Variants in SUGCT observed in about 807,000 individuals in gnomAD.
SUGCT encodes the protein succinyl-CoA:glutarate-CoA transferase, also known as succinyl-CoA:glutarate CoA-transferase.
Under a neutral mutation model 55.0 loss-of-function variants are expected in SUGCT, and 41 were observed. The ratio of observed to expected loss-of-function variants is 0.74; its 90% confidence interval spans 0.58 to 0.97. The LOEUF is 0.97. Ranked by LOEUF, SUGCT falls within the 50% of genes least tolerant of loss-of-function variation. The pLI is 0.00. For synonymous variants in SUGCT, 187 were observed against 200.4 expected, an observed-to-expected ratio of 0.93 and a Z score of 0.56; for missense variants, 568 against 547.8, an observed-to-expected ratio of 1.04 and a Z score of -0.37.
chr7:40,631,165 T>C (rs1403881601), intron 12 of SUGCT, among the ~76,000 whole-genome samples: 2 of 152,336 alleles, frequency 1.3e-5, no homozygotes, highest in Middle Eastern at 3.4e-3. Flanking sequence ...GTATTTGTTT[T>C]CATGAGCACT....
chr7:40,908,916 A>T, the SUGCT span, among the ~76,000 whole-genome samples: 4 of 152,184 alleles, frequency 2.6e-5, no homozygotes, highest in South Asian at 2.1e-4. Context: ...GTATATTTAA[A>T]TTTTTTTAAA....
At chr7:40,345,226 G>A (rs1797248381) in intron 9 of SUGCT, among the ~76,000 whole-genome samples, 1 of 151,852 alleles carries the variant, frequency 6.6e-6, no homozygotes, top group Admixed American at 6.6e-5. Flanking sequence ...CCAGTCAGAG[G>A]GTTTGAGTGT....
At chr7:40,950,828 GC>G in the SUGCT span, among the ~76,000 whole-genome samples, 2 of 152,164 alleles carry the variant, frequency 1.3e-5, no homozygotes, top group Non-Finnish European at 2.9e-5. Context: ...TGGTGGATAA[GC>G]TTTTTGATGT....
intron 13 of SUGCT, among the ~76,000 whole-genome samples, chr7:40,767,760 A>G (rs926763321): frequency 2.0e-5 from 3 of 152,228 alleles, no homozygotes; most frequent in African/African-American, 4.8e-5. Flanking sequence ...CAGAGGCTTC[A>G]GGTAAATCCT....
At chr7:40,623,156 A>G (rs1007921408) in intron 12 of SUGCT, among the ~76,000 whole-genome samples, 1 of 152,188 alleles carries the variant, frequency 6.6e-6, no homozygotes, top group African/African-American at 2.4e-5. Context: ...AGGGAAGGCT[A>G]CACTTCATTA....
intron 12 of SUGCT, among the ~76,000 whole-genome samples, chr7:40,508,326 G>T (rs1219949931): frequency 6.6e-6 from 1 of 152,194 alleles, no homozygotes. Flanking sequence ...TCCACCCTAT[G>T]TGTGGGGATG....
the SUGCT span, among the ~76,000 whole-genome samples, chr7:40,915,389 A>T: frequency 1.3e-5 from 2 of 152,068 alleles, no homozygotes; most frequent in Non-Finnish European, 2.9e-5. Context: ...ACTAGGTAAG[A>T]CCTCAAATGT....
intron 12 of SUGCT, among the ~76,000 whole-genome samples, chr7:40,677,821 G>A (rs1017249702): frequency 8.5e-5 from 13 of 152,172 alleles, no homozygotes; most frequent in African/African-American, 3.1e-4. Flanking sequence ...CAAAATAAGT[G>A]TTTCTTATTT....
rs547731142 is a variant in SUGCT at position 40,722,636 on chromosome 7, C to T, written c.1090-26798C>T. On this transcript the variant is annotated intron_variant, in intron 12 of 13. Coordinates refer to ENST00000335693, the MANE Select transcript of SUGCT (RefSeq NM_001193313.2). The stretch of plus-strand genomic sequence containing the variant: ...GCCTTCTAAAACCTCATGGTTTGTC[C>T]ACTATAGCTTTATTTTATTATTTTT... Among the ~76,000 whole-genome samples the T allele has an allele frequency of 6.6e-5, 10 of 152,226 alleles. No homozygotes were observed. In the South Asian group the frequency reaches 1.7e-3, roughly 25 times the overall value.
chr7:40,485,762 T>G (rs1562810113), intron 11 of SUGCT, among the ~76,000 whole-genome samples: 1 of 152,148 alleles, frequency 6.6e-6, no homozygotes, highest in Admixed American at 6.5e-5. Context: ...GAAGGGATGT[T>G]GAGTTTTGTC....
chr7:40,690,770 G>T (rs540155566), intron 12 of SUGCT, among the ~76,000 whole-genome samples: 1 of 152,148 alleles, frequency 6.6e-6, no homozygotes, highest in South Asian at 2.1e-4. Flanking sequence ...TAGAAACGGG[G>T]TTTCACCATG....
chr7:40,330,557 A>G (rs1584697312), intron 9 of SUGCT, among the ~76,000 whole-genome samples: 1 of 151,966 alleles, frequency 6.6e-6, no homozygotes, highest in Non-Finnish European at 1.5e-5. Context: ...AAACGCTCCT[A>G]CCTCTAAGTC....
At chr7:40,743,135 A>AAT (rs558367513) in intron 12 of SUGCT, among the ~76,000 whole-genome samples, 173 of 152,312 alleles carry the variant, frequency 1.1e-3, no homozygotes, top group African/African-American at 4.0e-3. Flanking sequence ...AGTGTCTTAA[A>AAT]ATATGTACAG....
At chr7:41,014,484 A>C in the SUGCT span, among the ~76,000 whole-genome samples, 1 of 152,224 alleles carries the variant, frequency 6.6e-6, no homozygotes, top group Non-Finnish European at 1.5e-5. Flanking sequence ...ATCAAATAGC[A>C]CAATTTTCTT....
At chr7:40,950,918 CTT>C in the SUGCT span, among the ~76,000 whole-genome samples, 1 of 151,160 alleles carries the variant, frequency 6.6e-6, no homozygotes, top group Non-Finnish European at 1.5e-5. Context: ...CTACAATTCT[CTT>C]TTTTTTTGTT....
chr7:41,017,219 C>G, the SUGCT span, among the ~76,000 whole-genome samples: 1 of 152,084 alleles, frequency 6.6e-6, no homozygotes. Flanking sequence ...ACAAAGTCTC[C>G]CCTAAAACTT....
the SUGCT span, among the ~76,000 whole-genome samples, chr7:41,025,507 C>G: frequency 1.3e-5 from 2 of 151,832 alleles, no homozygotes; most frequent in Non-Finnish European, 2.9e-5. Flanking sequence ...GTAGCTGGAA[C>G]TACAGGCACC....
At chr7:40,425,773 C>T (rs1787556145) in intron 9 of SUGCT, among the ~76,000 whole-genome samples, 1 of 151,900 alleles carries the variant, frequency 6.6e-6, no homozygotes, top group Non-Finnish European at 1.5e-5. Flanking sequence ...TAACAATTAT[C>T]CAAGGATATC....
At chr7:40,151,329 C>T (rs992373626) in intron 1 of SUGCT, among the ~76,000 whole-genome samples, 2 of 152,148 alleles carry the variant, frequency 1.3e-5, no homozygotes, top group Admixed American at 6.6e-5. Flanking sequence ...GGCTTCCAGT[C>T]GTGTGACCTG....
Sources: allele counts gnomAD v4.1 joint callset (sites outside exome capture counted in the v4.1 genomes callset), GRCh38; gene constraint gnomAD v4.1.1; transcripts MANE v1.5; gene names NCBI Gene and HGNC (gene_info 2026-07-23, HGNC 2026-07-21).